Variants in SDHAF4 observed in about 807,000 individuals in gnomAD.
The protein encoded by SDHAF4 is succinate dehydrogenase assembly factor 4, mitochondrial.
SDHAF4 carries 14 observed loss-of-function variants against 14.3 expected under a neutral mutation model. The ratio of observed to expected loss-of-function variants is 0.98; its 90% CI spans 0.65 to 1.53. The LOEUF (loss-of-function observed/expected upper bound fraction) is 1.53. SDHAF4 is among the 40% of genes most tolerant of loss of function. The probability of loss-of-function intolerance (pLI) is 0.00; values close to 1 mark genes in which losing one functional copy is unlikely to be tolerated. For missense variants in SDHAF4, 141 were observed against 129.3 expected (o/e 1.09, Z -0.44); for synonymous variants, 63 against 47.3 (o/e 1.33, Z -1.36).
intron 1 of SDHAF4, 50 bp downstream of exon 1, chr6:70,567,054 C>T (rs1562053647): frequency 1.3e-6 from 2 of 1,519,236 alleles, no homozygotes; most frequent in South Asian, 2.4e-5. Context: ...CGTGAAGGCC[C>T]AGGCGCAGAG....
chr6:70,588,743 T>G lies in SDHAF4; in HGVS notation c.*19T>G. The G allele has an allele frequency of 7.1e-7, 1 of 1,403,310 alleles. No individual in the cohort carries two copies. Among genetic ancestry groups the G allele is most frequent in the Non-Finnish European group, 1.0e-6 (1 of 1,000,432 alleles). The allele number at this position is 1,403,310 out of a possible 1,614,324, so 86.9% of individuals were successfully genotyped here. ...TTTTTAAGTCGCATATTCTTTAACT[T>G]CAATATTGTTTTCTGAATATGTACA... On this transcript the variant is annotated 3_prime_UTR_variant, in exon 3 of 3. Coordinates refer to ENST00000370474, the MANE Select transcript of SDHAF4 (RefSeq NM_145267.3).
chr6:70,568,962 C>CTTTTTTTTTTTTTTTTTTTT (rs5877254), intron 1 of SDHAF4, among the ~76,000 whole-genome samples: 14 of 97,990 alleles, frequency 1.4e-4, no homozygotes, highest in African/African-American at 5.5e-4. Flanking sequence ...TTTCTTTTTT[C>CTTTTTTTTTTTTTTTTTTTT]TTTTTTTTTT....
At chr6:70,580,420 C>T (rs12525408) in intron 2 of SDHAF4, among the ~76,000 whole-genome samples, 13,569 of 152,202 alleles carry the variant, frequency 0.089, 809 homozygotes, top group Non-Finnish European at 0.12. Context: ...ACAGTATGGC[C>T]GTTCCTCAAA....
chr6:70,575,368 ACT>A (rs1367915225), intron 1 of SDHAF4, among the ~76,000 whole-genome samples: 3 of 149,666 alleles, frequency 2.0e-5, no homozygotes, highest in Admixed American at 6.7e-5. Context: ...ACAGAGTGAG[ACT>A]CTGTCTGAAA....
intron 1 of SDHAF4, among the ~76,000 whole-genome samples, chr6:70,567,938 GCCT>G: frequency 6.6e-6 from 1 of 152,142 alleles, no homozygotes. Context: ...GCTCGCCTCG[GCCT>G]CCCAAAGTGC....
intron 2 of SDHAF4, among the ~76,000 whole-genome samples, chr6:70,582,584 C>A (rs1765145907): frequency 6.6e-6 from 1 of 152,152 alleles, no homozygotes; most frequent in East Asian, 1.9e-4. Flanking sequence ...GATCTCATAT[C>A]CTCCTCTTCC....
intron 2 of SDHAF4, among the ~76,000 whole-genome samples, chr6:70,581,535 TCTC>T (rs1190300863): frequency 6.6e-6 from 1 of 152,186 alleles, no homozygotes; most frequent in Non-Finnish European, 1.5e-5. Flanking sequence ...CTTCTGGAAA[TCTC>T]CTGCCTTGAT....
At chr6:70,579,200 A>G (rs1802291540) in intron 1 of SDHAF4, among the ~76,000 whole-genome samples, 1 of 152,220 alleles carries the variant, frequency 6.6e-6, no homozygotes, top group Admixed American at 6.5e-5. Context: ...CAATTAACTA[A>G]TTTATTTCAT....
chr6:70,595,130 G>C, the SDHAF4 span, among the ~76,000 whole-genome samples: 1 of 152,088 alleles, frequency 6.6e-6, no homozygotes, highest in Non-Finnish European at 1.5e-5. Flanking sequence ...TACAGATCTG[G>C]AATAATGGAA....
At chr6:70,589,612 G>A (rs749275258), downstream of SDHAF4, 2 of 152,164 alleles carry the variant, frequency 1.3e-5, no homozygotes, top group Non-Finnish European at 2.9e-5. Flanking sequence ...CTTTTAACAT[G>A]TGAGTTAAAT....
At chr6:70,584,633 G>A (rs1020107128) in intron 2 of SDHAF4, among the ~76,000 whole-genome samples, 1 of 152,134 alleles carries the variant, frequency 6.6e-6, no homozygotes, top group Admixed American at 6.5e-5. Flanking sequence ...AAAACTGCAG[G>A]CTATTATAAG....
At chr6:70,567,937 G>T (rs1287632572) in intron 1 of SDHAF4, among the ~76,000 whole-genome samples, 1 of 152,064 alleles carries the variant, frequency 6.6e-6, no homozygotes, top group Admixed American at 6.5e-5. Context: ...CGCTCGCCTC[G>T]GCCTCCCAAA....
At chr6:70,573,707 G>A (rs1193307388) in intron 1 of SDHAF4, among the ~76,000 whole-genome samples, 2 of 136,316 alleles carry the variant, frequency 1.5e-5, no homozygotes, top group Non-Finnish European at 3.1e-5. Flanking sequence ...ACAGAGTCTT[G>A]CTCTGTTGCC....
intron 1 of SDHAF4, among the ~76,000 whole-genome samples, chr6:70,569,206 C>T (rs958788214): frequency 3.3e-5 from 5 of 151,656 alleles, no homozygotes; most frequent in South Asian, 2.1e-4. Context: ...CCTCGTGATC[C>T]GCCCGTCTCG....
At chr6:70,567,874 A>G (rs576271629) in intron 1 of SDHAF4, among the ~76,000 whole-genome samples, 259 of 152,102 alleles carry the variant, frequency 1.7e-3, no homozygotes, top group African/African-American at 6.0e-3. Flanking sequence ...TTTAGTAGAG[A>G]CGGGGTTTCA....
At position 70,567,005 on chromosome 6, in the gene SDHAF4, G is replaced by T; in HGVS notation, c.64+1G>T. 6.3e-7 allele frequency: 1 copy of T among 1,585,382 alleles called. No homozygotes were observed. Among genetic ancestry groups the T allele is most frequent in the Non-Finnish European group, 8.6e-7 (1 of 1,165,882 alleles). On this transcript the variant is annotated splice_donor_variant, in intron 1 of 2. Transcript: ENST00000370474. LOFTEE classifies it high-confidence loss of function. Reference sequence around the variant, plus strand: ...TCGGCCACGGCGTGGAGAGCGGCAAGTAAGCACCTGGCCTCGGGGCCACGG... The same window carrying T: ...TCGGCCACGGCGTGGAGAGCGGCAATTAAGCACCTGGCCTCGGGGCCACGG...
At chr6:70,567,852 A>AT (rs1025496538) in intron 1 of SDHAF4, among the ~76,000 whole-genome samples, 12 of 151,936 alleles carry the variant, frequency 7.9e-5, no homozygotes, top group South Asian at 6.2e-4. Context: ...TGCCTGACTA[A>AT]TTTTTTGTAT....
chr6:70,586,414 A>G (rs187908737), intron 2 of SDHAF4, among the ~76,000 whole-genome samples: 1 of 102,956 alleles, frequency 9.7e-6, no homozygotes, highest in East Asian at 2.9e-4. Flanking sequence ...TTATTCTTGT[A>G]TGTATTTGTT....
At chr6:70,591,407 C>A (rs1490774738), downstream of SDHAF4, among the ~76,000 whole-genome samples, 2 of 138,402 alleles carry the variant, frequency 1.4e-5, no homozygotes, top group Admixed American at 1.5e-4. Context: ...TCTCCACTCA[C>A]TGCAACCTCT....
Sources: allele counts gnomAD v4.1 joint callset (sites outside exome capture counted in the v4.1 genomes callset), GRCh38; gene constraint gnomAD v4.1.1; transcripts MANE v1.5; gene names NCBI Gene and HGNC (gene_info 2026-07-23, HGNC 2026-07-21).